MBNL3: variants seen among roughly 807,000 people sequenced by gnomAD.
The protein encoded by MBNL3 is muscleblind like splicing regulator 3.
In MBNL3, 6 loss-of-function variants were observed where a neutral mutation model predicts 24.5. The ratio of observed to expected loss-of-function variants is 0.25; its 90% CI spans 0.13 to 0.48. The LOEUF (loss-of-function observed/expected upper bound fraction) is 0.48, where lower values mean the gene tolerates loss of function less well. MBNL3 is among the 20% of genes least tolerant of loss of function. The probability of loss-of-function intolerance (pLI) is 0.99; values close to 1 mark genes in which losing one functional copy is unlikely to be tolerated. For missense variants in MBNL3, 230 were observed against 293.5 expected (o/e 0.78, Z 1.58); for synonymous variants, 100 against 101.7 (o/e 0.98, Z 0.10).
chrX:132,464,836 C>G (rs1026058332), intron 1 of MBNL3, among the ~76,000 whole-genome samples: 1 of 111,422 alleles, frequency 9.0e-6, no homozygotes, highest in Admixed American at 9.6e-5. Context: ...ATCAGGAGTT[C>G]GAGACCAGCC....
chrX:132,478,389 G>A (rs1251861060), intron 1 of MBNL3, among the ~76,000 whole-genome samples: 1 of 111,810 alleles, frequency 8.9e-6, no homozygotes, highest in Non-Finnish European at 1.9e-5. Context: ...TGTTCAGTTT[G>A]AAAAGCAGAC....
intron 2 of MBNL3, among the ~76,000 whole-genome samples, chrX:132,418,283 T>A (rs1002452201): frequency 8.9e-6 from 1 of 112,397 alleles, no homozygotes; most frequent in Non-Finnish European, 1.9e-5. Flanking sequence ...TCACACCATG[T>A]CCACCTTAAT....
chrX:132,410,884 T>C (rs1266770791), intron 2 of MBNL3, among the ~76,000 whole-genome samples: 1 of 112,202 alleles, frequency 8.9e-6, no homozygotes, highest in African/African-American at 3.2e-5. Context: ...GGCATTCTAC[T>C]GGCAAATTTC....
rs950064884 is a variant in MBNL3, at chrX:132,371,245, TGTTAA to T, written c.*8416_*8420del. 1.4e-4 allele frequency: 16 copies of T among 111,401 alleles called. No individual in the cohort carries two copies. The highest frequency in any genetic ancestry group is 1.3e-3 in the Admixed American group (14 of 10,444). The allele number at this position is 111,401 out of a possible 1,213,427, so 9.2% of individuals were successfully genotyped here. On this transcript the variant is annotated 3_prime_UTR_variant, in exon 9 of 9. Transcript: ENST00000370853. Reference sequence around the variant, plus strand: ...CAACCTCCTCCCCGACCCTCTTCACTGTTAAGAGACACATCAGTAATACTTTGCTC... The same window carrying T: ...CAACCTCCTCCCCGACCCTCTTCACTGAGACACATCAGTAATACTTTGCTC...
intron 3 of MBNL3, among the ~76,000 whole-genome samples, chrX:132,394,667 A>G (rs1937707418): frequency 8.9e-6 from 1 of 112,587 alleles, no homozygotes. Context: ...TTAAAAAGTT[A>G]TTAATCACTA....
intron 1 of MBNL3, among the ~76,000 whole-genome samples, chrX:132,482,976 A>T (rs2148548467): frequency 8.9e-6 from 1 of 112,603 alleles, no homozygotes; most frequent in African/African-American, 3.2e-5. Flanking sequence ...CCTTAAATAT[A>T]AAATGTAACT....
rs1934084075 is a variant in MBNL3 at position 132,375,818 on chromosome X, C to T, written c.*3848G>A. 9.0e-6 allele frequency: 1 copy of T among 111,329 alleles called. No individual in the cohort carries two copies. Among genetic ancestry groups the T allele is most frequent in the South Asian group, 3.7e-4 (1 of 2,674 alleles). 9.2% of individuals were successfully genotyped at this position (111,329 alleles called of 1,213,427 possible). A position where few individuals can be genotyped will look rare whatever the true frequency, so the allele number is the denominator to read the frequency against. ...GCCTACCCTACAGACTAAAGGAACTCGGAAAACTTGTGGCTGCATTTTACC... is the reference window on the plus strand; with the variant it reads ...GCCTACCCTACAGACTAAAGGAACTTGGAAAACTTGTGGCTGCATTTTACC... On this transcript the variant is annotated 3_prime_UTR_variant, in exon 9 of 9. Coordinates refer to ENST00000370853, the MANE Select transcript of MBNL3 (RefSeq NM_001386889.1).
At chrX:132,466,314 GT>G (rs750365516) in intron 1 of MBNL3, among the ~76,000 whole-genome samples, 6 of 111,873 alleles carry the variant, frequency 5.4e-5, no homozygotes, top group Admixed American at 2.9e-4. Context: ...AAATGCCTGT[GT>G]TTTTGGTGTC....
At position 132,371,218 on chromosome X, in the gene MBNL3, C is replaced by A; in HGVS notation, c.*8448G>T. The stretch of plus-strand genomic sequence containing the variant: ...TAGGGCAGCTGACACTTGACAAGGA[C>A]CCAACCTCCTCCCCGACCCTCTTCA... On this transcript the variant is annotated 3_prime_UTR_variant, in exon 9 of 9. Coordinates refer to ENST00000370853, the MANE Select transcript of MBNL3 (RefSeq NM_001386889.1). 2 of 110,486 alleles carry A rather than the reference C, an allele frequency of 1.8e-5. No individual in the cohort carries two copies. The highest frequency in any genetic ancestry group is 7.8e-4 in the South Asian group (2 of 2,566). The allele number at this position is 110,486 out of a possible 1,213,427, so 9.1% of individuals were successfully genotyped here. A position where few individuals can be genotyped will look rare whatever the true frequency, so the allele number is the denominator to read the frequency against.
chrX:132,399,431 T>C (rs752507145), intron 3 of MBNL3, among the ~76,000 whole-genome samples: 62 of 110,524 alleles, frequency 5.6e-4, no homozygotes, highest in African/African-American at 1.8e-3. Flanking sequence ...AATTAAGAGT[T>C]CTAAAAAAAA....
At chrX:132,415,803 A>G (rs765611110) in intron 2 of MBNL3, among the ~76,000 whole-genome samples, 1 of 112,047 alleles carries the variant, frequency 8.9e-6, no homozygotes, top group Non-Finnish European at 1.9e-5. Context: ...TTACTTGGTG[A>G]CATGGACTGC....
rs774052190 is a variant in MBNL3, at chrX:132,391,094, A to ACACATG, written c.535-17_535-12dup. ...AAATTCTCGGCAAACCTTAGAACAC[A>ACACATG]CACATGCACATACACACGCATCACA... On this transcript the variant is annotated splice_polypyrimidine_tract_variant and intron_variant, in intron 4 of 8. Transcript: ENST00000370853. The ACACATG allele has an allele frequency of 1.7e-5, 20 of 1,162,920 alleles. No individual in the cohort carries two copies. In the East Asian group the frequency reaches 5.7e-4, roughly 33 times the overall value.
chrX:132,434,900 T>C (rs1945031923), intron 2 of MBNL3, among the ~76,000 whole-genome samples: 1 of 111,900 alleles, frequency 8.9e-6, no homozygotes, highest in African/African-American at 3.2e-5. Flanking sequence ...CTTAAGAATC[T>C]TGTACCAGTG....
intron 2 of MBNL3, chrX:132,431,315 A>C (rs1461610302): frequency 2.7e-5 from 3 of 111,528 alleles, no homozygotes; most frequent in African/African-American, 9.8e-5. Context: ...TGTAAGGAGG[A>C]GTTGTCCCTT....
chrX:132,428,947 A>G lies in MBNL3; in HGVS notation c.177+10488T>C, dbSNP rs1236161591. Among the ~76,000 whole-genome samples, 20 of 112,449 alleles carry G rather than the reference A, an allele frequency of 1.8e-4. No individual in the cohort carries two copies. In the Admixed American group the frequency reaches 1.9e-3, roughly 11 times the overall value. On this transcript the variant is annotated intron_variant, in intron 2 of 8. Coordinates refer to ENST00000370853, the MANE Select transcript of MBNL3 (RefSeq NM_001386889.1). ...AACATCTAAGAGTTTCTTCTAGACA[A>G]AAGAGTTGAAATATAATAGTTTTCA...
At chrX:132,411,874 G>A (rs1046411482) in intron 2 of MBNL3, among the ~76,000 whole-genome samples, 10 of 111,305 alleles carry the variant, frequency 9.0e-5, no homozygotes, top group African/African-American at 3.3e-4. Flanking sequence ...TGCCATACAC[G>A]TTTGTTGAAG....
intron 1 of MBNL3, among the ~76,000 whole-genome samples, chrX:132,479,481 T>C (rs1402426833): frequency 8.9e-6 from 1 of 112,220 alleles, no homozygotes; most frequent in Non-Finnish European, 1.9e-5. Context: ...TTGAAATATA[T>C]ATTTTTTTGT....
chrX:132,437,791 T>C (rs946735288), intron 2 of MBNL3: 26 of 181,961 alleles, frequency 1.4e-4, no homozygotes, highest in Non-Finnish European at 1.8e-4. Context: ...AAAATAATTG[T>C]AGATGAAACT....
At chrX:132,471,030 T>C (rs1441795607) in intron 1 of MBNL3, among the ~76,000 whole-genome samples, 1 of 111,516 alleles carries the variant, frequency 9.0e-6, no homozygotes, top group Non-Finnish European at 1.9e-5. Context: ...AGCCCCATGT[T>C]CCCCATCTGT....
Sources: allele counts gnomAD v4.1 joint callset (sites outside exome capture counted in the v4.1 genomes callset), GRCh38; gene constraint gnomAD v4.1.1; transcripts MANE v1.5; gene names NCBI Gene and HGNC (gene_info 2026-07-23, HGNC 2026-07-21).